Variants in PCSK6 observed in about 807,000 individuals in gnomAD.
PCSK6 encodes paired basic amino acid cleaving enzyme 4.
PCSK6 carries 85 observed loss-of-function variants against 123.3 expected under a neutral mutation model. The ratio of observed to expected loss-of-function variants is 0.69; its 90% CI spans 0.58 to 0.83. The LOEUF (loss-of-function observed/expected upper bound fraction) is 0.83. Among genes scored for constraint, PCSK6 ranks in the 40% least tolerant of loss-of-function variants. PCSK6 has a pLI of 0.00. For missense variants in PCSK6, 1,191 were observed against 1,282.3 expected (o/e 0.93, Z 1.09); for synonymous variants, 508 against 516.0 (o/e 0.98, Z 0.21).
chr15:101,408,302 T>G (rs1355100875), intron 6 of PCSK6, among the ~76,000 whole-genome samples: 1 of 152,226 alleles, frequency 6.6e-6, no homozygotes. Context: ...TTTCTAAGAC[T>G]CAGCGTGCTC....
chr15:101,486,610 A>G (rs1268881470), intron 1 of PCSK6, among the ~76,000 whole-genome samples: 1 of 152,226 alleles, frequency 6.6e-6, no homozygotes, highest in Admixed American at 6.5e-5. Context: ...GGTGATGCAT[A>G]TTTTACAATG....
chr15:101,469,227 G>A (rs1431643173), intron 1 of PCSK6, among the ~76,000 whole-genome samples: 2 of 152,126 alleles, frequency 1.3e-5, no homozygotes, highest in African/African-American at 2.4e-5. Context: ...TCAGTTTTCT[G>A]TACAATCCAT....
chr15:101,379,796 G>C (rs1362411632), intron 11 of PCSK6, among the ~76,000 whole-genome samples: 2 of 152,242 alleles, frequency 1.3e-5, no homozygotes, highest in Admixed American at 1.3e-4. Flanking sequence ...AACTCGCATA[G>C]CTGTGGGGAT....
Position 101,485,039 on chromosome 15 carries a change from A to G in PCSK6, c.297+4335T>C, listed in dbSNP as rs111321725. ...CCAAATTGCTCTCCAAACGATACCAATCTCCACCAGCAGCATCTGAAAGTT... is the reference window on the plus strand; with the variant it reads ...CCAAATTGCTCTCCAAACGATACCAGTCTCCACCAGCAGCATCTGAAAGTT... On this transcript the variant is annotated intron_variant, in intron 1 of 21. Coordinates refer to ENST00000611716, the MANE Select transcript of PCSK6 (RefSeq NM_002570.5). Among the ~76,000 whole-genome samples the G allele has an allele frequency of 8.5e-4, 130 of 152,290 alleles. 1 individual carries two copies. The highest frequency in any genetic ancestry group is 3.9e-3 in the South Asian group (19 of 4,814).
At chr15:101,468,953 T>G (rs1488849888) in intron 1 of PCSK6, among the ~76,000 whole-genome samples, 1 of 152,186 alleles carries the variant, frequency 6.6e-6, no homozygotes, top group East Asian at 1.9e-4. Flanking sequence ...GATTTGACAT[T>G]CAAGGATGTC....
intron 1 of PCSK6, among the ~76,000 whole-genome samples, chr15:101,467,822 A>AC (rs373109589): frequency 1.4e-3 from 217 of 152,280 alleles, no homozygotes; most frequent in African/African-American, 4.2e-3. Flanking sequence ...GCTAAGCAAC[A>AC]CGTTGTCTAA....
In PCSK6 at chr15:101,398,499, T is replaced by C. The variant is rs749643806; in HGVS notation, c.901A>G (p.Ile301Val). The change falls in exon 7 of 22, where the codon ATT becomes GTT. Residue 301 changes from isoleucine (I) to valine (V), a missense_variant. This residue lies in a region of PCSK6 where 357 missense variants were observed against 484.5 expected (regional missense o/e 0.74). Coordinates refer to ENST00000611716, the MANE Select transcript of PCSK6 (RefSeq NM_002570.5). This position sits in a 1 kb window ranked among gnomAD's most constrained non-coding sequence, Gnocchi z 4.6. ...SLGIRPNYID[I>V]YSASWGPDDD... ...TCCGGCCCCCAGCTGGCACTGTAAA[T>C]GTCGATGTAGTTGGGTCTGATGCCC... 3 of 1,613,974 alleles carry C rather than the reference T, an allele frequency of 1.9e-6. No individual in the cohort carries two copies. The highest frequency in any genetic ancestry group is 2.2e-5 in the East Asian group (1 of 44,892).
At chr15:101,446,846 C>T (rs550566172) in intron 1 of PCSK6, among the ~76,000 whole-genome samples, 4 of 152,056 alleles carry the variant, frequency 2.6e-5, no homozygotes, top group Admixed American at 6.5e-5. Flanking sequence ...GTCTCTGAGA[C>T]GTGCTTTTTC....
intron 19 of PCSK6, among the ~76,000 whole-genome samples, chr15:101,315,998 C>T (rs1020230816): frequency 6.6e-6 from 1 of 152,226 alleles, no homozygotes; most frequent in African/African-American, 2.4e-5. Flanking sequence ...TGCCTGACTC[C>T]GACCCTCCCC....
intron 20 of PCSK6, 155 bp downstream of exon 20, chr15:101,313,220 AG>A: frequency 6.5e-7 from 1 of 1,542,264 alleles, no homozygotes; most frequent in Non-Finnish European, 8.8e-7. Context: ...AAAGGGACGA[AG>A]GCCCCTCAGC....
At chr15:101,416,180 G>A (rs1028090768) in intron 6 of PCSK6, among the ~76,000 whole-genome samples, 3 of 152,168 alleles carry the variant, frequency 2.0e-5, no homozygotes, top group African/African-American at 7.2e-5. Context: ...GAACAGTAAG[G>A]TCCATGGTCA....
intron 13 of PCSK6, chr15:101,347,890 T>C (rs776712298): frequency 1.3e-6 from 1 of 763,950 alleles, no homozygotes; most frequent in Non-Finnish European, 2.3e-6. Flanking sequence ...GGTTGACAAA[T>C]GGAAGGAGCT....
intron 1 of PCSK6, among the ~76,000 whole-genome samples, chr15:101,458,200 A>G (rs950943704): frequency 5.9e-5 from 9 of 152,220 alleles, no homozygotes; most frequent in African/African-American, 1.7e-4. Flanking sequence ...CTCAGCAAAC[A>G]ACCAGCAAGT....
At chr15:101,463,170 G>A (rs761904863) in intron 1 of PCSK6, 9 of 453,954 alleles carry the variant, frequency 2.0e-5, no homozygotes, top group Non-Finnish European at 3.6e-5. Flanking sequence ...TCACACACAG[G>A]GGCCTTCTGG....
At chr15:101,417,381 A>G (rs537735990) in intron 6 of PCSK6, among the ~76,000 whole-genome samples, 1 of 152,232 alleles carries the variant, frequency 6.6e-6, no homozygotes, top group Admixed American at 6.5e-5. Flanking sequence ...CTGAACGTGT[A>G]TTAGGACACA....
chr15:101,347,769 C>T, intron 13 of PCSK6: 2 of 1,613,474 alleles, frequency 1.2e-6, no homozygotes, highest in South Asian at 1.1e-5. Flanking sequence ...GTGTTTTAGT[C>T]CAGGTTCCCT....
At chr15:101,479,374 T>C (rs543915367) in intron 1 of PCSK6, among the ~76,000 whole-genome samples, 1 of 152,102 alleles carries the variant, frequency 6.6e-6, no homozygotes, top group African/African-American at 2.4e-5. Flanking sequence ...GGGTTCTGGG[T>C]GAGCACAGAG....
At position 101,478,950 on chromosome 15, in the gene PCSK6, T is replaced by C. The variant is rs144424742; in HGVS notation, c.297+10424A>G. Among the ~76,000 whole-genome samples the C allele has an allele frequency of 2.3e-3, 351 of 152,336 alleles. 1 individual carries two copies. Among genetic ancestry groups the C allele is most frequent in the Non-Finnish European group, 3.3e-3 (227 of 68,034 alleles). On this transcript the variant is annotated intron_variant, in intron 1 of 21. Transcript: ENST00000611716. ...ACGCTTAAGGATGATTTGCCTTTGGTGAATGGAATCAGGACATCACAGGTC... is the reference window on the plus strand; with the variant it reads ...ACGCTTAAGGATGATTTGCCTTTGGCGAATGGAATCAGGACATCACAGGTC...
rs539689064 is a variant in PCSK6, at chr15:101,432,826, C to T, written c.403-726G>A. Reference sequence around the variant, plus strand: ...TTTGGTTAACTGGTATTGGAATTTGCTTTACAGTAAGGACATAAGTAAATA... The same window carrying T: ...TTTGGTTAACTGGTATTGGAATTTGTTTTACAGTAAGGACATAAGTAAATA... On this transcript the variant is annotated intron_variant, in intron 2 of 21. Coordinates refer to ENST00000611716, the MANE Select transcript of PCSK6 (RefSeq NM_002570.5). Among the ~76,000 whole-genome samples, 12 of 152,224 alleles carry T rather than the reference C, an allele frequency of 7.9e-5. No individual in the cohort carries two copies. The South Asian group carries it at 2.3e-3, about 29-fold the overall frequency.
Sources: allele counts gnomAD v4.1 joint callset (sites outside exome capture counted in the v4.1 genomes callset), GRCh38; gene constraint gnomAD v4.1.1; regional missense constraint gnomAD v4.1.1; non-coding constraint Gnocchi (gnomAD v3.1); transcripts MANE v1.5; gene names NCBI Gene and HGNC (gene_info 2026-07-23, HGNC 2026-07-21).